The following IKZF2 variants were observed in gnomAD, a reference collection of about 807,000 sequenced individuals.
The protein encoded by IKZF2 is IKAROS family zinc finger 2, also known as zinc finger protein Helios.
Under a neutral mutation model 49.2 loss-of-function variants are expected in IKZF2, and 15 were observed. The ratio of observed to expected loss-of-function variants is 0.30; its 90% CI spans 0.20 to 0.47. IKZF2 has a LOEUF of 0.47. Among genes scored for constraint, IKZF2 ranks in the 20% least tolerant of loss-of-function variants. The probability of loss-of-function intolerance (pLI) is 1.00; values close to 1 mark genes in which losing one functional copy is unlikely to be tolerated. For synonymous variants in IKZF2, 227 were observed against 221.4 expected (o/e 1.03, Z -0.23); for missense variants, 567 against 664.6 (o/e 0.85, Z 1.61).
At chr2:213,124,976 C>T (rs1205920324) in intron 4 of IKZF2, among the ~76,000 whole-genome samples, 1 of 152,152 alleles carries the variant, frequency 6.6e-6, no homozygotes, top group Non-Finnish European at 1.5e-5. Flanking sequence ...TTTGCTACTT[C>T]TTATTAGATA....
At chr2:213,142,469 T>C (rs1291908424) in intron 4 of IKZF2, among the ~76,000 whole-genome samples, 1 of 152,020 alleles carries the variant, frequency 6.6e-6, no homozygotes, top group Admixed American at 6.6e-5. Flanking sequence ...AAAAAGTAAC[T>C]TGACTGCTCT....
chr2:213,055,159 G>A (rs1701021383), intron 5 of IKZF2, among the ~76,000 whole-genome samples: 1 of 151,914 alleles, frequency 6.6e-6, no homozygotes, highest in Admixed American at 6.6e-5. Flanking sequence ...TGTTTTGTTT[G>A]TATTTTACTA....
chr2:213,047,982 T>C (rs1700320358), intron 6 of IKZF2, among the ~76,000 whole-genome samples: 1 of 152,068 alleles, frequency 6.6e-6, no homozygotes, highest in South Asian at 2.1e-4. Context: ...ATTTTGAGCT[T>C]TCTGGCAACT....
At chr2:213,030,702 T>C (rs1356220800) in intron 6 of IKZF2, among the ~76,000 whole-genome samples, 2 of 152,144 alleles carry the variant, frequency 1.3e-5, no homozygotes, top group Non-Finnish European at 2.9e-5. Context: ...TTTTTTATTT[T>C]AGCAACTATT....
intron 4 of IKZF2, among the ~76,000 whole-genome samples, chr2:213,136,393 AAAAAGAAAAAG>A (rs1270338291): frequency 8.4e-5 from 9 of 107,774 alleles, no homozygotes; most frequent in East Asian, 2.0e-3. Context: ...AAAAAAAAAG[AAAAAGAAAAAG>A]AAAAGAAAAA....
intron 4 of IKZF2, among the ~76,000 whole-genome samples, chr2:213,090,494 C>T (rs947716752): frequency 3.9e-5 from 6 of 152,094 alleles, no homozygotes; most frequent in Admixed American, 3.9e-4. Flanking sequence ...CTATTTGATG[C>T]TTTGGCTATA....
At chr2:213,105,095 T>C (rs1214535820) in intron 4 of IKZF2, among the ~76,000 whole-genome samples, 1 of 152,100 alleles carries the variant, frequency 6.6e-6, no homozygotes, top group Non-Finnish European at 1.5e-5. Context: ...CTGGCTTCCT[T>C]TGAGTAGTGT....
intron 5 of IKZF2, among the ~76,000 whole-genome samples, chr2:213,055,027 A>C (rs1357188305): frequency 6.6e-6 from 1 of 152,068 alleles, no homozygotes; most frequent in Non-Finnish European, 1.5e-5. Flanking sequence ...GGTTCTTTGA[A>C]TTTTCTTAAT....
chr2:213,097,129 G>A (rs765275593), intron 4 of IKZF2, among the ~76,000 whole-genome samples: 1 of 151,728 alleles, frequency 6.6e-6, no homozygotes, highest in African/African-American at 2.4e-5. Flanking sequence ...AAGGCTAATG[G>A]CATGCAGTTT....
Position 213,034,447 on chromosome 2 carries a change from G to A in IKZF2, c.575-12317C>T, listed in dbSNP as rs370528131. 1.9e-4 allele frequency among the ~76,000 whole-genome samples: 29 copies of A among 152,302 alleles called. 1 individual carries two copies. The highest frequency in any genetic ancestry group is 6.3e-4 in the African/African-American group (26 of 41,570). On this transcript the variant is annotated intron_variant, in intron 6 of 8. Transcript: ENST00000434687. ...TAGCTTTTGATTTAAAGTGAGAAAT[G>A]TGAGTCTTCCTTTAACTTGAACACT...
rs1694844216 is a variant in IKZF2 at position 213,000,838 on chromosome 2, G to A, written c.*6522C>T. Reference sequence around the variant, plus strand: ...AGAGCATTGGGCGAGGGTCTAAGAAGATTCAATCTGTAAAAAGTTCAACTT... The same window carrying A: ...AGAGCATTGGGCGAGGGTCTAAGAAAATTCAATCTGTAAAAAGTTCAACTT... On this transcript the variant is annotated 3_prime_UTR_variant, in exon 9 of 9. Coordinates refer to ENST00000434687, the MANE Select transcript of IKZF2 (RefSeq NM_001387220.1). 1 of 151,544 alleles carries A rather than the reference G, an allele frequency of 6.6e-6. No individual in the cohort carries two copies. Among genetic ancestry groups the A allele is most frequent in the African/African-American group, 2.4e-5 (1 of 41,370 alleles). 9.4% of individuals were successfully genotyped at this position (151,544 alleles called of 1,614,324 possible). A position where few individuals can be genotyped will look rare whatever the true frequency, so the allele number is the denominator to read the frequency against.
At chr2:213,119,865 A>G (rs750281177) in intron 4 of IKZF2, among the ~76,000 whole-genome samples, 1 of 152,262 alleles carries the variant, frequency 6.6e-6, no homozygotes, top group Non-Finnish European at 1.5e-5. Flanking sequence ...GTTAGTAGTC[A>G]GTAAGTACCT....
intron 5 of IKZF2, among the ~76,000 whole-genome samples, chr2:213,050,617 G>A (rs1361145513): frequency 6.6e-6 from 1 of 152,086 alleles, no homozygotes; most frequent in Non-Finnish European, 1.5e-5. Flanking sequence ...ATCCAGACAT[G>A]TCCTGTACAT....
chr2:213,120,220 G>C (rs562752668), intron 4 of IKZF2, among the ~76,000 whole-genome samples: 9 of 152,278 alleles, frequency 5.9e-5, no homozygotes, highest in Admixed American at 4.6e-4. Context: ...TAATATGGGA[G>C]ACAAAGACAT....
intron 2 of IKZF2, among the ~76,000 whole-genome samples, chr2:213,149,166 A>C (rs151207696): frequency 6.6e-6 from 1 of 152,334 alleles, no homozygotes; most frequent in African/African-American, 2.4e-5. Context: ...GAAGATTTCT[A>C]CAGCAGTTGG....
At position 213,022,625 on chromosome 2, in the gene IKZF2, G is replaced by T. The variant is rs765143736; in HGVS notation, c.575-495C>A. Among the ~76,000 whole-genome samples the T allele has an allele frequency of 3.4e-4, 51 of 152,180 alleles. 2 individuals are homozygous for T. Among genetic ancestry groups the T allele is most frequent in the Middle Eastern group, 6.8e-3 (2 of 294 alleles). On this transcript the variant is annotated intron_variant, in intron 6 of 8. Coordinates refer to ENST00000434687, the MANE Select transcript of IKZF2 (RefSeq NM_001387220.1). ...TCTTGGGTACCAAGAAGATTAAAAA[G>T]AACTCAAGTGGTGAGAAAAAGTACA...
At position 213,148,713 on chromosome 2, in the gene IKZF2, T is replaced by C. The variant is rs985238479; in HGVS notation, c.-15-69A>G. The C allele has an allele frequency of 6.8e-6, 9 of 1,318,462 alleles. No individual in the cohort carries two copies. In the African/African-American group the frequency reaches 7.3e-5, roughly 11 times the overall value. 81.7% of individuals were successfully genotyped at this position (1,318,462 alleles called of 1,614,324 possible). A position where few individuals can be genotyped will look rare whatever the true frequency, so the allele number is the denominator to read the frequency against. Reference sequence around the variant, plus strand: ...AGTATCTGCCATTAAATTCTTAACTTATTTGAAGCTCCAAGCAGTTAGTCC... The same window carrying C: ...AGTATCTGCCATTAAATTCTTAACTCATTTGAAGCTCCAAGCAGTTAGTCC... On this transcript the variant is annotated intron_variant, in intron 2 of 8. Coordinates refer to ENST00000434687, the MANE Select transcript of IKZF2 (RefSeq NM_001387220.1).
intron 4 of IKZF2, among the ~76,000 whole-genome samples, chr2:213,077,191 AATATG>A (rs1703365981): frequency 6.6e-6 from 1 of 152,246 alleles, no homozygotes; most frequent in South Asian, 2.1e-4. Flanking sequence ...ACACCAAATG[AATATG>A]ATAATAGTGA....
intron 4 of IKZF2, among the ~76,000 whole-genome samples, chr2:213,133,629 G>A (rs1305325807): frequency 1.3e-5 from 2 of 151,668 alleles, no homozygotes; most frequent in Non-Finnish European, 2.9e-5. Context: ...TTCTCGGGAG[G>A]CGAAGGTTGC....
Sources: gnomAD v4.1 joint callset for allele counts (sites outside exome capture counted in the v4.1 genomes callset) on GRCh38, gnomAD v4.1.1 for gene constraint, MANE v1.5 for transcripts, NCBI Gene and HGNC (gene_info 2026-07-23, HGNC 2026-07-21) for gene names.